Variants in FREM3 observed in about 807,000 individuals in gnomAD.
FREM3 encodes the protein FRAS1-related extracellular matrix protein 3.
FREM3 carries 105 observed loss-of-function variants against 129.1 expected under a neutral mutation model. The observed-to-expected ratio is 0.81, with a 90% CI of 0.69 to 0.96. FREM3 has a LOEUF of 0.96. Ranked by LOEUF, FREM3 falls within the 40% of genes least tolerant of loss-of-function variation. The probability of loss-of-function intolerance (pLI) is 0.00; values close to 1 mark genes in which losing one functional copy is unlikely to be tolerated. For synonymous variants in FREM3, 1,014 were observed against 1,044.9 expected (o/e 0.97, Z 0.57); for missense variants, 2,593 against 2,666.3 (o/e 0.97, Z 0.61).
chr4:143,624,725 G>T (rs1739014663), intron 3 of FREM3, among the ~76,000 whole-genome samples: 1 of 152,072 alleles, frequency 6.6e-6, no homozygotes, highest in African/African-American at 2.4e-5. Context: ...ACTAGAATAT[G>T]AGCTCTATGG....
chr4:143,577,753 G>A lies in FREM3; in HGVS notation c.6278C>T (p.Pro2093Leu). Residue 2093 changes from proline to leucine, a missense_variant, in exon 8 of 8, where the codon CCT (proline) becomes CTT (leucine). Pro to Leu is a moderately conservative substitution (Grantham distance 98). Coordinates refer to ENST00000329798, the MANE Select transcript of FREM3 (RefSeq NM_001168235.2). Reference protein sequence around the residue: ...QVTILDDLGQPTLEGPEKFEL... With the variant: ...QVTILDDLGQLTLEGPEKFEL... ...AAACTTCTCTGGGCCTTCCAAGGTA[G>A]GCTGTCCCAGGTCATCAAGGATGGT... 1 of 1,537,318 alleles carries A rather than the reference G, an allele frequency of 6.5e-7. No homozygotes were observed. The highest frequency in any genetic ancestry group is 8.7e-7 in the Non-Finnish European group (1 of 1,146,922).
At position 143,695,659 on chromosome 4, in the gene FREM3, G is replaced by C; in HGVS notation, c.5017C>G (p.Arg1673Gly). Reference protein sequence around the residue: ...TTNRGAPALKRLHTGHMGFLI... With the variant: ...TTNRGAPALKGLHTGHMGFLI... ...AAGCCCATGTGTCCAGTGTGAAGGC[G>C]CTTCAAGGCTGGGGCACCCCTGTTG... The change falls in exon 1 of 8, where the codon CGC (arginine) becomes GGC (glycine). Residue 1673 changes from arginine (R) to glycine (G), a missense_variant. By Grantham distance (125) the Arg-to-Gly change is moderately radical. Around this residue, in one of 2 missense-constraint regions of FREM3, gnomAD observed 2,276 missense variants for 2,267.2 expected, o/e 1.00. Transcript: ENST00000329798. The C allele has an allele frequency of 1.3e-6, 2 of 1,537,232 alleles. No individual in the cohort carries two copies. The highest frequency in any genetic ancestry group is 1.7e-6 in the Non-Finnish European group (2 of 1,146,910).
intron 2 of FREM3, among the ~76,000 whole-genome samples, chr4:143,655,272 G>A (rs1392143497): frequency 6.6e-6 from 1 of 152,168 alleles, no homozygotes; most frequent in Non-Finnish European, 1.5e-5. Flanking sequence ...GTGAAATTAT[G>A]TAGAAAAATA....
intron 6 of FREM3, among the ~76,000 whole-genome samples, chr4:143,607,468 T>C (rs919830375): frequency 2.0e-5 from 3 of 152,182 alleles, no homozygotes; most frequent in Admixed American, 1.3e-4. Flanking sequence ...AATCACTTTT[T>C]ACCTTGCTCT....
At chr4:143,668,870 A>G (rs1739914714) in intron 2 of FREM3, among the ~76,000 whole-genome samples, 2 of 152,238 alleles carry the variant, frequency 1.3e-5, no homozygotes, top group African/African-American at 2.4e-5. Context: ...AACCCAGTAT[A>G]TCTGTGCCTT....
intron 6 of FREM3, among the ~76,000 whole-genome samples, chr4:143,591,790 A>G (rs1738367625): frequency 1.3e-5 from 2 of 152,214 alleles, no homozygotes; most frequent in South Asian, 4.1e-4. Context: ...ATTCCTGGAT[A>G]TCTTTGTTAA....
chr4:143,595,068 G>C (rs1333805604), intron 6 of FREM3, among the ~76,000 whole-genome samples: 1 of 152,196 alleles, frequency 6.6e-6, no homozygotes, highest in Non-Finnish European at 1.5e-5. Context: ...AGCTCTCAAA[G>C]AGATAAAATT....
chr4:143,656,386 A>G lies in FREM3; in HGVS notation c.5276-28626T>C, dbSNP rs1014794. ...GAATGTTCAAATAGCACTATTCACA[A>G]TAGCCCCAAAATGGAAACATCCAAA... On this transcript the variant is annotated intron_variant, in intron 2 of 7. Transcript: ENST00000329798. Among the ~76,000 whole-genome samples, 458 of 152,344 alleles carry G rather than the reference A, an allele frequency of 3.0e-3. 4 individuals carry two copies. Among genetic ancestry groups the G allele is most frequent in the African/African-American group, 0.011 (437 of 41,580 alleles).
chr4:143,691,515 T>C (rs1740470798), intron 2 of FREM3, among the ~76,000 whole-genome samples: 3 of 152,210 alleles, frequency 2.0e-5, no homozygotes, highest in African/African-American at 7.2e-5. Context: ...GATGACAGAT[T>C]TGCGTTGGCA....
intron 7 of FREM3, among the ~76,000 whole-genome samples, chr4:143,580,745 G>T (rs141718451): frequency 1.2e-3 from 176 of 152,344 alleles, no homozygotes; most frequent in African/African-American, 4.1e-3. Context: ...CCCAGTGGTA[G>T]CAGGCAGGCC....
chr4:143,589,980 G>C (rs1351333454), intron 6 of FREM3, among the ~76,000 whole-genome samples: 1 of 152,032 alleles, frequency 6.6e-6, no homozygotes, highest in African/African-American at 2.4e-5. Context: ...TGGATTCCTA[G>C]GTATTTTATT....
At chr4:143,627,062 G>A (rs1293996128) in intron 3 of FREM3, among the ~76,000 whole-genome samples, 2 of 151,972 alleles carry the variant, frequency 1.3e-5, no homozygotes, top group Admixed American at 6.6e-5. Flanking sequence ...TAGTATACCG[G>A]CATTATGTAT....
rs943780902 is a variant in FREM3 at position 143,699,274 on chromosome 4, C to T, written c.1402G>A (p.Val468Met). The change falls in exon 1 of 8, where the codon GTG becomes ATG. Residue 468 changes from valine (V) to methionine (M), a missense_variant. Val to Met is a conservative substitution (Grantham distance 21, BLOSUM62 1). Transcript: ENST00000329798. The surrounding 1 kb of genome is among the most constrained non-coding windows in gnomAD (Gnocchi z 4.2). Reference sequence around the variant, plus strand: ...AAGCCCCTGACTGCAGCCATTTTCACCTCTTCCAGGTTATCTTTATCACTG... The same window carrying T: ...AAGCCCCTGACTGCAGCCATTTTCATCTCTTCCAGGTTATCTTTATCACTG... ...PISDKDNLEE[V>M]KMAAVRGLRH... is the part of the protein sequence containing the mutation. The T allele has an allele frequency of 2.0e-6, 3 of 1,537,320 alleles. No individual in the cohort carries two copies. Among genetic ancestry groups the T allele is most frequent in the Non-Finnish European group, 2.6e-6 (3 of 1,146,932 alleles).
At chr4:143,625,898 T>C (rs1739029479) in intron 3 of FREM3, among the ~76,000 whole-genome samples, 1 of 151,890 alleles carries the variant, frequency 6.6e-6, no homozygotes, top group African/African-American at 2.4e-5. Flanking sequence ...GATTGATTTA[T>C]AATCATTATT....
chr4:143,695,548 G>C lies in FREM3; in HGVS notation c.5128C>G (p.His1710Asp), dbSNP rs922928319. 2 of 1,537,466 alleles carry C rather than the reference G, an allele frequency of 1.3e-6. No homozygotes were observed. The highest frequency in any genetic ancestry group is 1.7e-6 in the Non-Finnish European group (2 of 1,146,928). ...AGGCCAGTTTTGATAATGAAGCCAT[G>C]CTCTGGTCCTCTGGTCACTTTATAC... ...LKYKVTRGPE[H>D]GFIIKTGLGN... Residue 1710 changes from histidine (H) to aspartate (D), a missense_variant, in exon 1 of 8, where the codon CAT becomes GAT. Transcript: ENST00000329798.
chr4:143,638,702 GT>G (rs1739273915), intron 2 of FREM3, among the ~76,000 whole-genome samples: 1 of 152,140 alleles, frequency 6.6e-6, no homozygotes, highest in South Asian at 2.1e-4. Flanking sequence ...GGACACCAGA[GT>G]TTGCTGTGTC....
At chr4:143,654,064 G>C (rs1374972821) in intron 2 of FREM3, among the ~76,000 whole-genome samples, 1 of 152,128 alleles carries the variant, frequency 6.6e-6, no homozygotes, top group Non-Finnish European at 1.5e-5. Flanking sequence ...TCTAAATCCA[G>C]TACAACAAAC....
At chr4:143,593,172 T>G (rs1417470567) in intron 6 of FREM3, among the ~76,000 whole-genome samples, 1 of 152,228 alleles carries the variant, frequency 6.6e-6, no homozygotes, top group Non-Finnish European at 1.5e-5. Context: ...TCTTTGCCAT[T>G]GGTTCGAACT....
At chr4:143,675,444 A>G (rs559480530) in intron 2 of FREM3, among the ~76,000 whole-genome samples, 133 of 152,334 alleles carry the variant, frequency 8.7e-4, no homozygotes, top group Non-Finnish European at 1.2e-4. Flanking sequence ...AGCAGGAAAG[A>G]TCTAAAATTG....
Sources: allele counts gnomAD v4.1 joint callset (sites outside exome capture counted in the v4.1 genomes callset), GRCh38; gene constraint gnomAD v4.1.1; regional missense constraint gnomAD v4.1.1; non-coding constraint Gnocchi (gnomAD v3.1); transcripts MANE v1.5; gene names NCBI Gene and HGNC (gene_info 2026-07-23, HGNC 2026-07-21).